CPED1: variants seen among roughly 807,000 people sequenced by gnomAD.
CPED1 encodes the protein cadherin-like and PC-esterase domain-containing protein 1.
A neutral mutation model predicts 128.2 loss-of-function variants in CPED1; 114 were observed. The ratio of observed to expected loss-of-function variants is 0.89; its 90% CI spans 0.76 to 1.04. The LOEUF (loss-of-function observed/expected upper bound fraction) is 1.04. Among genes scored for constraint, CPED1 ranks in the 50% least tolerant of loss-of-function variants. The probability of loss-of-function intolerance (pLI) is 0.00; values close to 1 mark genes in which losing one functional copy is unlikely to be tolerated. For synonymous variants in CPED1, 462 were observed against 426.7 expected, an observed-to-expected ratio of 1.08 and a Z score of -1.02; for missense variants, 1,211 against 1,207.1, an observed-to-expected ratio of 1.00 and a Z score of -0.05.
At chr7:121,010,802 T>C (rs1667516827) in intron 2 of CPED1, among the ~76,000 whole-genome samples, 1 of 152,144 alleles carries the variant, frequency 6.6e-6, no homozygotes, top group South Asian at 2.1e-4. Context: ...AAAGCTTCAT[T>C]TGGAGAGGGA....
intron 5 of CPED1, among the ~76,000 whole-genome samples, chr7:121,081,988 A>C (rs143550983): frequency 1.3e-5 from 2 of 152,114 alleles, no homozygotes; most frequent in Admixed American, 1.3e-4. Flanking sequence ...CTGAGCATCT[A>C]TGAGAATGTA....
At chr7:120,995,445 C>A (rs1018217917) in intron 2 of CPED1, among the ~76,000 whole-genome samples, 1 of 152,160 alleles carries the variant, frequency 6.6e-6, no homozygotes, top group African/African-American at 2.4e-5. Flanking sequence ...ACATTTCCAA[C>A]CTTAGGTCCT....
intron 5 of CPED1, among the ~76,000 whole-genome samples, chr7:121,079,694 G>A (rs17143145): frequency 6.6e-6 from 1 of 152,204 alleles, no homozygotes; most frequent in Non-Finnish European, 1.5e-5. Context: ...TTGTGCAAAA[G>A]ACTGACTGGC....
At chr7:121,056,283 T>G (rs1019310387) in intron 4 of CPED1, among the ~76,000 whole-genome samples, 4 of 152,186 alleles carry the variant, frequency 2.6e-5, no homozygotes, top group Non-Finnish European at 5.9e-5. Context: ...CATACATGTA[T>G]GTTAGTTCTA....
At chr7:121,161,620 G>A (rs1796413700) in intron 16 of CPED1, among the ~76,000 whole-genome samples, 1 of 152,172 alleles carries the variant, frequency 6.6e-6, no homozygotes, top group South Asian at 2.1e-4. Context: ...TACATCAAGG[G>A]CCAGGAAGAA....
chr7:120,995,884 TTCTTCTTCTTCTTCC>T (rs1260020309), intron 2 of CPED1, among the ~76,000 whole-genome samples: 2 of 139,312 alleles, frequency 1.4e-5, no homozygotes, highest in Non-Finnish European at 3.2e-5. Context: ...CTTCTTCTTC[TTCTTCTTCTTCTTCC>T]TCTTCTTCTT....
chr7:121,115,162 G>A lies in CPED1; in HGVS notation c.919-9169G>A, dbSNP rs180811460. Among the ~76,000 whole-genome samples the A allele has an allele frequency of 1.4e-4, 22 of 152,256 alleles. No homozygotes were observed. In the East Asian group the frequency reaches 4.1e-3, roughly 28 times the overall value. ...AGGGAAGTCAGTAGTCAGTACTCAG[G>A]GCACATGGAGATGACATGGATTTGG... On this transcript the variant is annotated intron_variant, in intron 7 of 22. Transcript: ENST00000310396.
chr7:121,137,190 T>C (rs1795803671), intron 14 of CPED1, among the ~76,000 whole-genome samples: 1 of 151,856 alleles, frequency 6.6e-6, no homozygotes, highest in South Asian at 2.1e-4. Flanking sequence ...TTATTTATTA[T>C]AGATAGGATT....
At chr7:121,152,008 A>G (rs1796170528) in intron 16 of CPED1, among the ~76,000 whole-genome samples, 1 of 152,216 alleles carries the variant, frequency 6.6e-6, no homozygotes. Context: ...AGGACACTTT[A>G]CCGCCTGACA....
At chr7:121,137,124 A>G (rs35370706) in intron 14 of CPED1, among the ~76,000 whole-genome samples, 15,378 of 151,766 alleles carry the variant, frequency 0.1, 840 homozygotes, top group South Asian at 0.17. Flanking sequence ...AATTTCAGTA[A>G]AACAGTAAAG....
rs373934011 is a variant in CPED1, at chr7:121,193,995, G to GCTCTCTCTCT, written c.2056-42700_2056-42691dup. On this transcript the variant is annotated intron_variant, in intron 16 of 22. Transcript: ENST00000310396. ...GGCCTCTATTAACATGGATGAGCAA[G>GCTCTCTCTCT]CTCTCTCTCTCTCTCTCTCTCTCTC... Among the ~76,000 whole-genome samples, 227 of 87,310 alleles carry GCTCTCTCTCT rather than the reference G, an allele frequency of 2.6e-3. 5 individuals are homozygous for GCTCTCTCTCT. Among genetic ancestry groups the GCTCTCTCTCT allele is most frequent in the Admixed American group, 0.021 (138 of 6,578 alleles). 57.3% of individuals were successfully genotyped at this position (87,310 alleles called of 152,430 possible).
chr7:121,288,544 A>G (rs1792630299), intron 22 of CPED1, among the ~76,000 whole-genome samples: 1 of 152,202 alleles, frequency 6.6e-6, no homozygotes, highest in Non-Finnish European at 1.5e-5. Context: ...CTACTCCCAA[A>G]TGGAAGCCGT....
At chr7:121,075,246 G>A (rs1211716174) in intron 5 of CPED1, among the ~76,000 whole-genome samples, 1 of 152,076 alleles carries the variant, frequency 6.6e-6, no homozygotes, top group Non-Finnish European at 1.5e-5. Context: ...CTGACAAATT[G>A]CTCAGGAGAA....
intron 16 of CPED1, among the ~76,000 whole-genome samples, chr7:121,211,275 T>G (rs1394777170): frequency 6.6e-6 from 1 of 152,102 alleles, no homozygotes; most frequent in Non-Finnish European, 1.5e-5. Flanking sequence ...TATTCTGTCA[T>G]ATACACATTT....
At chr7:121,021,171 C>T (rs977818042) in intron 3 of CPED1, among the ~76,000 whole-genome samples, 1 of 151,874 alleles carries the variant, frequency 6.6e-6, no homozygotes, top group African/African-American at 2.4e-5. Context: ...TATTTACCCA[C>T]ATGTGTTCTT....
chr7:121,099,248 C>G (rs918589939), intron 6 of CPED1, among the ~76,000 whole-genome samples: 1 of 152,032 alleles, frequency 6.6e-6, no homozygotes, highest in Non-Finnish European at 1.5e-5. Context: ...ATTTATATCA[C>G]TTTTGTTGCA....
chr7:121,007,791 C>T (rs1792061102), intron 2 of CPED1, among the ~76,000 whole-genome samples: 4 of 151,892 alleles, frequency 2.6e-5, no homozygotes, highest in Admixed American at 6.5e-5. Flanking sequence ...TTTGACCATC[C>T]TGTTGCTGCT....
At chr7:121,143,554 T>C (rs928746439) in intron 16 of CPED1, among the ~76,000 whole-genome samples, 2 of 152,116 alleles carry the variant, frequency 1.3e-5, no homozygotes, top group South Asian at 2.1e-4. Context: ...TGCTTCTGAA[T>C]TGAAGAACAA....
At chr7:121,145,292 C>A (rs1795999820) in intron 16 of CPED1, among the ~76,000 whole-genome samples, 1 of 151,860 alleles carries the variant, frequency 6.6e-6, no homozygotes, top group African/African-American at 2.4e-5. Flanking sequence ...CATGCCATTA[C>A]CTTAAAGAAT....
Sources: gnomAD v4.1 joint callset for allele counts (sites outside exome capture counted in the v4.1 genomes callset) on GRCh38, gnomAD v4.1.1 for gene constraint, MANE v1.5 for transcripts, NCBI Gene and HGNC (gene_info 2026-07-23, HGNC 2026-07-21) for gene names.